The following SEMA5B variants were observed in gnomAD, a reference collection of about 807,000 sequenced individuals.
SEMA5B encodes semaphorin 5B, also known as semaphorin-5B.
SEMA5B carries 66 observed loss-of-function variants against 135.0 expected under a neutral mutation model. The ratio of observed to expected loss-of-function variants is 0.49; its 90% CI spans 0.40 to 0.60. The LOEUF (loss-of-function observed/expected upper bound fraction) is 0.60. SEMA5B is among the 20% of genes least tolerant of loss of function. The pLI, the probability that SEMA5B is intolerant of heterozygous loss-of-function variation, is 0.00. For missense variants in SEMA5B, 1,501 were observed against 1,566.3 expected, an observed-to-expected ratio of 0.96 and a Z score of 0.70; for synonymous variants, 690 against 639.5, an observed-to-expected ratio of 1.08 and a Z score of -1.19.
chr3:122,928,936 C>T, intron 6 of SEMA5B, 60 bp downstream of exon 6: 1 of 1,549,344 alleles, frequency 6.5e-7, no homozygotes, highest in Non-Finnish European at 8.9e-7. Context: ...GCTCCATCCC[C>T]ACAACCACAG....
chr3:122,911,609 C>T, intron 20 of SEMA5B, 74 bp from the exon 21 acceptor site: 1 of 1,448,452 alleles, frequency 6.9e-7, no homozygotes, highest in South Asian at 1.3e-5. Context: ...TAGGCGTAAG[C>T]CTGGGAGGAC....
intron 1 of SEMA5B, among the ~76,000 whole-genome samples, chr3:122,971,648 C>T (rs971266929): frequency 1.3e-5 from 2 of 152,274 alleles, no homozygotes; most frequent in East Asian, 3.8e-4. Flanking sequence ...GTCTCTCCTC[C>T]TGAATGCCCA....
chr3:122,993,736 G>A (rs941451074), intron 1 of SEMA5B, among the ~76,000 whole-genome samples: 2 of 135,146 alleles, frequency 1.5e-5, no homozygotes, highest in Non-Finnish European at 3.2e-5. Flanking sequence ...CTTCCTCCCC[G>A]CCCCCTTGCC....
At chr3:122,940,433 A>G (rs1939503063) in intron 4 of SEMA5B, among the ~76,000 whole-genome samples, 1 of 152,220 alleles carries the variant, frequency 6.6e-6, no homozygotes, top group African/African-American at 2.4e-5. Flanking sequence ...ATGCACATTT[A>G]AAGGCTCTGT....
At chr3:122,919,464 G>T (rs1406471997) in intron 12 of SEMA5B, among the ~76,000 whole-genome samples, 1 of 152,174 alleles carries the variant, frequency 6.6e-6, no homozygotes, top group East Asian at 1.9e-4. Flanking sequence ...GTGAAAAGAG[G>T]CAGTTGGAGA....
rs370785923 is a variant in SEMA5B at position 122,928,031 on chromosome 3, T to G, written c.637-28A>C. 44 of 1,429,424 alleles carry G rather than the reference T, an allele frequency of 3.1e-5. No individual in the cohort carries two copies. In the African/African-American group the frequency reaches 5.8e-4, roughly 19 times the overall value. The allele number at this position is 1,429,424 out of a possible 1,614,324, so 88.5% of individuals were successfully genotyped here. A position where few individuals can be genotyped will look rare whatever the true frequency, so the allele number is the denominator to read the frequency against. On this transcript the variant is annotated intron_variant, in intron 7 of 22. Coordinates refer to ENST00000357599, the MANE Select transcript of SEMA5B (RefSeq NM_001031702.4). ...GGGGACAATGGGGAGAAGGGGACAC[T>G]TTTCCCTGAGGCCCTGGGGCTGCCT...
chr3:123,010,735 G>T (rs747858781), intron 1 of SEMA5B, among the ~76,000 whole-genome samples: 1 of 150,302 alleles, frequency 6.7e-6, no homozygotes, highest in Non-Finnish European at 1.5e-5. Flanking sequence ...ACTTGAACCC[G>T]GGAGGTGGAG....
chr3:122,924,896 T>C (rs894190330), intron 9 of SEMA5B, among the ~76,000 whole-genome samples: 1 of 152,214 alleles, frequency 6.6e-6, no homozygotes, highest in Non-Finnish European at 1.5e-5. Context: ...GCATTTCTCA[T>C]GATTAAAATT....
Position 122,915,467 on chromosome 3 carries a change from G to T in SEMA5B, c.1961C>A (p.Pro654Gln). Residue 654 changes from proline to glutamine, a missense_variant, in exon 14 of 23, where the codon CCA (proline) becomes CAA (glutamine). By Grantham distance (76) the Pro-to-Gln change is moderately conservative. This residue lies in a region of SEMA5B where 927 missense variants were observed against 881.6 expected (regional missense o/e 1.05). Coordinates refer to ENST00000357599, the MANE Select transcript of SEMA5B (RefSeq NM_001031702.4). Reference protein sequence around the residue: ...PRCGGLDCLGPAIHIANCSRN... With the variant: ...PRCGGLDCLGQAIHIANCSRN... ...GGAGCAGTTGGCGATGTGGATGGCTGGCCCCAGGCAGTCAAGGCCCCCACA... is the reference window on the plus strand; with the variant it reads ...GGAGCAGTTGGCGATGTGGATGGCTTGCCCCAGGCAGTCAAGGCCCCCACA... 1 of 1,612,712 alleles carries T rather than the reference G, an allele frequency of 6.2e-7. No homozygotes were observed. The highest frequency in any genetic ancestry group is 8.5e-7 in the Non-Finnish European group (1 of 1,179,258).
At chr3:122,923,585 T>C in intron 10 of SEMA5B, 32 bp downstream of exon 10, 1 of 1,612,944 alleles carries the variant, frequency 6.2e-7, no homozygotes, top group Non-Finnish European at 8.5e-7. Context: ...AGGCAGTGTG[T>C]GAAGACAGGG....
chr3:122,974,224 AG>A (rs1258822986), intron 1 of SEMA5B, among the ~76,000 whole-genome samples: 1 of 152,236 alleles, frequency 6.6e-6, no homozygotes, highest in Non-Finnish European at 1.5e-5. Flanking sequence ...CCCACTGTCC[AG>A]CCCTGGCCAG....
chr3:122,922,218 A>T lies in SEMA5B; in HGVS notation c.1480+22T>A, dbSNP rs753783637. The T allele has an allele frequency of 3.7e-6, 6 of 1,600,264 alleles. No homozygotes were observed. The East Asian group carries it at 1.3e-4, about 36-fold the overall frequency. The stretch of plus-strand genomic sequence containing the variant: ...TCAACCCACCCCCGACCTGCAGTCC[A>T]GGTTGGACCGGGCCGGCTCACCGGT... On this transcript the variant is annotated intron_variant, in intron 11 of 22. Coordinates refer to ENST00000357599, the MANE Select transcript of SEMA5B (RefSeq NM_001031702.4).
At chr3:122,921,447 A>C (rs1560295610) in intron 12 of SEMA5B, among the ~76,000 whole-genome samples, 1 of 152,054 alleles carries the variant, frequency 6.6e-6, no homozygotes, top group African/African-American at 2.4e-5. Context: ...AGCCCTCTCT[A>C]CCTCTTCTAA....
rs894016173 is a variant in SEMA5B at position 122,921,924 on chromosome 3, C to T, written c.1679G>A (p.Arg560His). 6.5e-7 allele frequency: 1 copy of T among 1,532,640 alleles called. No homozygotes were observed. 94.9% of individuals were successfully genotyped at this position (1,532,640 alleles called of 1,614,324 possible). ...CCCCGTCCCGGCTTACCCCTGGCTG[C>T]GGTAGGCGGCGCACCTCTCCAGTGG... ...RVPLERCAAY[R>H]SQGACLGARD... Residue 560 changes from arginine (R) to histidine (H), a missense_variant, in exon 12 of 23, where the codon CGC becomes CAC. This residue lies in a region of SEMA5B where 927 missense variants were observed against 881.6 expected (regional missense o/e 1.05). Coordinates refer to ENST00000357599, the MANE Select transcript of SEMA5B (RefSeq NM_001031702.4).
chr3:122,994,256 G>T (rs980760101), intron 1 of SEMA5B, among the ~76,000 whole-genome samples: 1 of 152,042 alleles, frequency 6.6e-6, no homozygotes, highest in Non-Finnish European at 1.5e-5. Context: ...GGGAGTAGAG[G>T]ATATTCCACA....
At chr3:123,019,448 G>C (rs1234057290) in intron 1 of SEMA5B, among the ~76,000 whole-genome samples, 1 of 152,072 alleles carries the variant, frequency 6.6e-6, no homozygotes, top group Non-Finnish European at 1.5e-5. Context: ...AGTTAGTCAG[G>C]CATGGTGATG....
intron 1 of SEMA5B, among the ~76,000 whole-genome samples, chr3:123,008,826 G>T (rs1942371596): frequency 1.3e-5 from 2 of 152,144 alleles, no homozygotes. Flanking sequence ...ACCAACAGTG[G>T]CAGGGGTTTT....
chr3:122,964,978 A>G (rs967146143), intron 1 of SEMA5B, among the ~76,000 whole-genome samples: 1 of 152,178 alleles, frequency 6.6e-6, no homozygotes. Flanking sequence ...CTCCTGGCTG[A>G]GTCAGGGAGG....
chr3:122,924,338 C>A (rs1296066832), intron 9 of SEMA5B, among the ~76,000 whole-genome samples: 1 of 152,138 alleles, frequency 6.6e-6, no homozygotes, highest in Non-Finnish European at 1.5e-5. Context: ...CAAACGCCTC[C>A]AGTTATATTC....
Sources: gnomAD v4.1 joint callset for allele counts (sites outside exome capture counted in the v4.1 genomes callset) on GRCh38, gnomAD v4.1.1 for gene constraint, gnomAD v4.1.1 regional missense constraint, MANE v1.5 for transcripts, NCBI Gene and HGNC (gene_info 2026-07-23, HGNC 2026-07-21) for gene names.